Variants in TYMP observed in about 807,000 individuals in gnomAD.
The protein encoded by TYMP is gliostatin.
Under a neutral mutation model 42.3 loss-of-function variants are expected in TYMP, and 46 were observed. The ratio of observed to expected loss-of-function variants is 1.09; its 90% CI spans 0.86 to 1.39. The LOEUF is 1.39. Among genes scored for constraint, TYMP ranks in the 40% most tolerant of loss-of-function variants. TYMP has a pLI of 0.00. For synonymous variants in TYMP, 363 were observed against 308.0 expected (o/e 1.18, Z -1.87); for missense variants, 837 against 677.6 (o/e 1.24, Z -2.61).
chr22:50,528,833 A>G (rs2069485673), intron 3 of TYMP: 1 of 620,896 alleles, frequency 1.6e-6, no homozygotes, highest in Non-Finnish European at 2.9e-6. Context: ...CTTGGGGCAG[A>G]GGGAGGAAAG....
chr22:50,529,963 G>T lies in TYMP; in HGVS notation c.-70C>A. 1 of 575,828 alleles carries T rather than the reference G, an allele frequency of 1.7e-6. No individual in the cohort carries two copies. The highest frequency in any genetic ancestry group is 3.1e-6 in the Non-Finnish European group (1 of 322,300). The allele number at this position is 575,828 out of a possible 1,614,324, so 35.7% of individuals were successfully genotyped here. A position where few individuals can be genotyped will look rare whatever the true frequency, so the allele number is the denominator to read the frequency against. On this transcript the variant is annotated 5_prime_UTR_variant, in exon 1 of 10. Transcript: ENST00000252029. ...GATCCCAGCCCAGGTACCCGGCCTCGCCCGCGGGTCGGGACCGTAGGGTTC... is the reference window on the plus strand; with the variant it reads ...GATCCCAGCCCAGGTACCCGGCCTCTCCCGCGGGTCGGGACCGTAGGGTTC...
Position 50,526,617 on chromosome 22 carries a change from C to A in TYMP, c.887G>T (p.Gly296Val). The A allele has an allele frequency of 1.3e-6, 2 of 1,578,830 alleles. No homozygotes were observed. The highest frequency in any genetic ancestry group is 1.8e-5 in the Admixed American group (1 of 55,930). ...GTCCCTTAAGTCTGGCGGGCCTGCG[C>A]CGTCCATGCAGAGCAGCGCCTCCTC... ...EVEEALLCMDGAGPPDLRDLV... is the reference protein window; with the variant it reads ...EVEEALLCMDVAGPPDLRDLV... Residue 296 changes from glycine to valine, a missense_variant, in exon 7 of 10, where the codon GGC becomes GTC. Coordinates refer to ENST00000252029, the MANE Select transcript of TYMP (RefSeq NM_001953.5).
At chr22:50,528,137 G>C in intron 4 of TYMP, 1 of 385,502 alleles carries the variant, frequency 2.6e-6, no homozygotes, top group Non-Finnish European at 4.9e-6. Context: ...TCAGCCTCCT[G>C]AGTAGCTGGA....
rs1441242054 is a variant in TYMP, at chr22:50,529,678, G to T, written c.32C>A (p.Ala11Asp). ...GGAGAAGTCACCAGGCGCGGGTGGG[G>T]CCCCGGTTCCCGGGGTCATCAAGGC... MAALMTPGTGAPPAPGDFSGE... is the reference protein window; with the variant it reads MAALMTPGTGDPPAPGDFSGE... The change falls in exon 2 of 10, where the codon GCC (alanine) becomes GAC (aspartate). Residue 11 changes from alanine (A) to aspartate (D), a missense_variant. Ala to Asp is a moderately radical substitution (Grantham distance 126, BLOSUM62 -2). Transcript: ENST00000252029. The T allele has an allele frequency of 1.2e-6, 2 of 1,611,652 alleles. No homozygotes were observed. Among genetic ancestry groups the T allele is most frequent in the African/African-American group, 2.7e-5 (2 of 74,936 alleles).
intron 5 of TYMP, 99 bp downstream of exon 5, chr22:50,527,489 C>A (rs747509269): frequency 4.4e-6 from 7 of 1,581,434 alleles, no homozygotes; most frequent in East Asian, 4.5e-5. Flanking sequence ...GGGGGGCACA[C>A]GGTCAGGTGA....
intron 3 of TYMP, 56 bp downstream of exon 3, chr22:50,529,080 A>C: frequency 6.3e-7 from 1 of 1,577,134 alleles, no homozygotes; most frequent in Non-Finnish European, 8.7e-7. Flanking sequence ...CTGTGGATGG[A>C]CTGGTTGCTG....
chr22:50,527,395 CTTA>C lies in TYMP; in HGVS notation c.647-115_647-113del, dbSNP rs754474693. The C allele has an allele frequency of 4.8e-6, 6 of 1,246,948 alleles. No individual in the cohort carries two copies. In the South Asian group the frequency reaches 4.8e-5, roughly 10 times the overall value. The allele number at this position is 1,246,948 out of a possible 1,614,324, so 77.2% of individuals were successfully genotyped here. On this transcript the variant is annotated intron_variant, in intron 5 of 9. Coordinates refer to ENST00000252029, the MANE Select transcript of TYMP (RefSeq NM_001953.5). ...GCCCTGAGCATTGAGGGTCAAGTCC[CTTA>C]TTATGGGGGTGGCAGCACCTGGTGG...
rs1064792887 is a variant in TYMP, at chr22:50,527,209, CG to C, written c.720del (p.Val241SerfsTer22). 4 of 1,613,490 alleles carry C rather than the reference CG, an allele frequency of 2.5e-6. No individual in the cohort carries two copies. Among genetic ancestry groups the C allele is most frequent in the Non-Finnish European group, 3.4e-6 (4 of 1,179,998 alleles). ...LVVDVKFGGA[A>X]VFPNQEQARE... ...CGGGCCTGCTCCTGGTTGGGGAAGA[CG>C]GCGGCCCCTCCGAACTTAACGTCCA... On this transcript the variant is annotated frameshift_variant, in exon 6 of 10. Transcript: ENST00000252029. LOFTEE classifies it high-confidence loss of function.
Position 50,529,736 on chromosome 22 carries a change from C to T in TYMP, c.-10-17G>A, listed in dbSNP as rs925446867. 16 of 1,594,580 alleles carry T rather than the reference C, an allele frequency of 1.0e-5. No individual in the cohort carries two copies. Among genetic ancestry groups the T allele is most frequent in the Admixed American group, 1.7e-5 (1 of 57,496 alleles). On this transcript the variant is annotated splice_polypyrimidine_tract_variant and intron_variant, in intron 1 of 9. Transcript: ENST00000252029. ...GCTCCGGGCCTGCGGGGATGCCTGA[C>T]ACGTCCGGGGTCTGCGGCCTCCCGG...
Position 50,527,463 on chromosome 22 carries a change from T to TA in TYMP, c.646+124_646+125insT, listed in dbSNP as rs772624520. 8 of 1,481,190 alleles carry TA rather than the reference T, an allele frequency of 5.4e-6. No individual in the cohort carries two copies. In the African/African-American group the frequency reaches 6.9e-5, roughly 13 times the overall value. 91.8% of individuals were successfully genotyped at this position (1,481,190 alleles called of 1,614,324 possible). A position where few individuals can be genotyped will look rare whatever the true frequency, so the allele number is the denominator to read the frequency against. ...CACCCCACATGGTGGTGGTCAGGCATCTTGTGATGGGGGTAGGGGGGCACA... is the reference window on the plus strand; with the variant it reads ...CACCCCACATGGTGGTGGTCAGGCATACTTGTGATGGGGGTAGGGGGGCACA... On this transcript the variant is annotated intron_variant, in intron 5 of 9. Coordinates refer to ENST00000252029, the MANE Select transcript of TYMP (RefSeq NM_001953.5).
In TYMP at chr22:50,526,273, G is replaced by C; in HGVS notation, c.1132C>G (p.Gln378Glu). ...RRQLLPRARE[Q>E]EELLAPADGT... ...TCTGCGGGCGCCAGCAGCTCCTCCTGCTCCCGGGCGCGAGGCAGCAGCTGC... is the reference window on the plus strand; with the variant it reads ...TCTGCGGGCGCCAGCAGCTCCTCCTCCTCCCGGGCGCGAGGCAGCAGCTGC... Residue 378 changes from glutamine to glutamate, a missense_variant, in exon 8 of 10, where the codon CAG becomes GAG. Gln to Glu is a conservative substitution (Grantham distance 29, BLOSUM62 2). Transcript: ENST00000252029. 6.5e-7 allele frequency: 1 copy of C among 1,542,354 alleles called. No homozygotes were observed. Among genetic ancestry groups the C allele is most frequent in the Non-Finnish European group, 8.7e-7 (1 of 1,154,790 alleles).
chr22:50,529,552 T>C lies in TYMP; in HGVS notation c.158A>G (p.Asp53Gly), dbSNP rs2069516085. 1 of 1,613,144 alleles carries C rather than the reference T, an allele frequency of 6.2e-7. No individual in the cohort carries two copies. The stretch of plus-strand genomic sequence containing the variant: ...CACAGCGGCCACGAAGCCCCTGATG[T>C]CCGCTTCGCTCAGGCGGCCTCCGTC... ...KRDGGRLSEA[D>G]IRGFVAAVVN... The change falls in exon 2 of 10, where the codon GAC becomes GGC. Residue 53 changes from aspartate to glycine, a missense_variant. Physicochemically the swap from Asp to Gly is moderately conservative, Grantham distance 94. Transcript: ENST00000252029.
Position 50,527,686 on chromosome 22 carries a change from C to T in TYMP, c.548G>A (p.Cys183Tyr). 2 of 1,613,658 alleles carry T rather than the reference C, an allele frequency of 1.2e-6. No homozygotes were observed. The highest frequency in any genetic ancestry group is 1.7e-6 in the Non-Finnish European group (2 of 1,179,948). ...CAGCTGCTCACTCTGACCCACGATA[C>T]AGCAGCCCGCCTGGTCCAGCAGCAC... Reference protein sequence around the residue: ...MQVLLDQAGCCIVGQSEQLVP... With the variant: ...MQVLLDQAGCYIVGQSEQLVP... Residue 183 changes from cysteine (C) to tyrosine (Y), a missense_variant, in exon 5 of 10, where the codon TGT (cysteine) becomes TAT (tyrosine). Physicochemically the swap from Cys to Tyr is radical, Grantham distance 194. Transcript: ENST00000252029.
In TYMP at chr22:50,527,670, A is replaced by C. The variant is rs772137910; in HGVS notation, c.564T>G (p.Ser188Arg). The C allele has an allele frequency of 1.9e-6, 3 of 1,612,342 alleles. No individual in the cohort carries two copies. The highest frequency in any genetic ancestry group is 2.5e-6 in the Non-Finnish European group (3 of 1,179,864). ...TTCCGTCCGCAGGAACCAGCTGCTC[A>C]CTCTGACCCACGATACAGCAGCCCG... ...DQAGCCIVGQ[S>R]EQLVPADGIL... Residue 188 changes from serine (S) to arginine (R), a missense_variant, in exon 5 of 10, where the codon AGT becomes AGG. Coordinates refer to ENST00000252029, the MANE Select transcript of TYMP (RefSeq NM_001953.5).
chr22:50,527,432 T>A, intron 5 of TYMP, 149 bp from the exon 6 acceptor site: 1 of 1,329,090 alleles, frequency 7.5e-7, no homozygotes, highest in Non-Finnish European at 1.1e-6. Context: ...GGGTTGAGTA[T>A]CAGGCCACCC....
rs2069489842 is a variant in TYMP, at chr22:50,528,965, CTGTGCTGGGGAACGGGG to C, written c.417+154_417+170del. 18 of 758,648 alleles carry C rather than the reference CTGTGCTGGGGAACGGGG, an allele frequency of 2.4e-5. No homozygotes were observed. In the South Asian group the frequency reaches 2.8e-4, roughly 12 times the overall value. The allele number at this position is 758,648 out of a possible 1,614,324, so 47.0% of individuals were successfully genotyped here. A position where few individuals can be genotyped will look rare whatever the true frequency, so the allele number is the denominator to read the frequency against. ...TCTGGAGCCAGAGGGGCCCCAAGCG[CTGTGCTGGGGAACGGGG>C]TGGGGAGAACTGTGCTGGGGAGCAG... On this transcript the variant is annotated intron_variant, in intron 3 of 9. Coordinates refer to ENST00000252029, the MANE Select transcript of TYMP (RefSeq NM_001953.5).
At chr22:50,529,373 C>G (rs1254415784) in intron 2 of TYMP, 35 bp from the exon 3 acceptor site, 1 of 1,611,066 alleles carries the variant, frequency 6.2e-7, no homozygotes, top group South Asian at 1.1e-5. Flanking sequence ...GGTGGCAGCC[C>G]ACAGCGGTGG....
chr22:50,528,397 C>T (rs1269797119), intron 4 of TYMP, 115 bp downstream of exon 4: 5 of 919,242 alleles, frequency 5.4e-6, no homozygotes, highest in Non-Finnish European at 8.7e-6. Context: ...TCATGAGTAA[C>T]CTTGACCAGT....
At chr22:50,528,468 C>T (rs1305604797) in intron 4 of TYMP, 44 bp downstream of exon 4, 2 of 1,525,712 alleles carry the variant, frequency 1.3e-6, no homozygotes, top group Admixed American at 1.7e-5. Flanking sequence ...GCCAGGGTCT[C>T]CATCATCAAC....
Sources: allele counts gnomAD v4.1 joint callset, GRCh38; gene constraint gnomAD v4.1.1; transcripts MANE v1.5; gene names NCBI Gene and HGNC (gene_info 2026-07-23, HGNC 2026-07-21).